Variants in LARGE1 observed in about 807,000 individuals in gnomAD.
LARGE1 encodes the protein LARGE xylosyl- and glucuronyltransferase 1.
A neutral mutation model predicts 87.6 loss-of-function variants in LARGE1; 43 were observed. The observed-to-expected ratio is 0.49, with a 90% CI of 0.38 to 0.63. LARGE1 has a LOEUF of 0.63. LARGE1 is among the 30% of genes least tolerant of loss of function. The pLI is 0.00. For synonymous variants in LARGE1, 434 were observed against 394.6 expected, an observed-to-expected ratio of 1.10 and a Z score of -1.18; for missense variants, 802 against 1,000.2, an observed-to-expected ratio of 0.80 and a Z score of 2.67.
In LARGE1 at chr22:33,420,476, T is replaced by C. The variant is rs2066652224; in HGVS notation, c.892+11685A>G. Among the ~76,000 whole-genome samples the C allele has an allele frequency of 2.0e-5, 3 of 152,338 alleles. No individual in the cohort carries two copies. In the South Asian group the frequency reaches 6.2e-4, roughly 32 times the overall value. On this transcript the variant is annotated intron_variant, in intron 7 of 14. Coordinates refer to ENST00000397394, the MANE Select transcript of LARGE1 (RefSeq NM_133642.5). ...GAGGAGAATAAGGTGGAAAACGGAA[T>C]AGCATGGAGGCTGTAGTTTGGAGGC...
intron 1 of LARGE1, among the ~76,000 whole-genome samples, chr22:33,850,303 T>C (rs1273618209): frequency 6.6e-6 from 1 of 152,132 alleles, no homozygotes; most frequent in African/African-American, 2.4e-5. Flanking sequence ...TTCTAGATAA[T>C]AGCTCTCATA....
intron 2 of LARGE1, among the ~76,000 whole-genome samples, chr22:33,713,972 G>GTAACGTAACGTAACATAACATAACA (rs1426662781): frequency 1.5e-4 from 18 of 119,766 alleles, no homozygotes; most frequent in South Asian, 5.3e-4. Context: ...AGTAAATAAC[G>GTAACGTAACGTAACATAACATAACA]TAACATAACG....
Position 33,609,735 on chromosome 22 carries a change from A to G in LARGE1, c.492-5177T>C, listed in dbSNP as rs1210860430. Among the ~76,000 whole-genome samples the G allele has an allele frequency of 3.3e-5, 5 of 152,096 alleles. No homozygotes were observed. In the East Asian group the frequency reaches 9.7e-4, roughly 29 times the overall value. Reference sequence around the variant, plus strand: ...ATCTTATGTTGAAACGTAATCCCCAATTTTGGAGGTGAGGCCTGATGGTTA... The same window carrying G: ...ATCTTATGTTGAAACGTAATCCCCAGTTTTGGAGGTGAGGCCTGATGGTTA... On this transcript the variant is annotated intron_variant, in intron 4 of 14. Coordinates refer to ENST00000397394, the MANE Select transcript of LARGE1 (RefSeq NM_133642.5).
chr22:33,341,759 G>T (rs1045767703), intron 9 of LARGE1, among the ~76,000 whole-genome samples: 1 of 152,154 alleles, frequency 6.6e-6, no homozygotes, highest in Non-Finnish European at 1.5e-5. Context: ...TGAACAACTC[G>T]TTTCTCTTCT....
chr22:33,733,481 T>C (rs1473059543), intron 2 of LARGE1: 1 of 152,230 alleles, frequency 6.6e-6, no homozygotes, highest in East Asian at 1.9e-4. Context: ...CACTGGGAAA[T>C]GCATACTTAA....
intron 2 of LARGE1, among the ~76,000 whole-genome samples, chr22:33,667,566 C>G (rs566803389): frequency 6.6e-6 from 1 of 152,120 alleles, no homozygotes; most frequent in Non-Finnish European, 1.5e-5. Flanking sequence ...AGAAAAGGTG[C>G]CTAAAAGTAT....
intron 2 of LARGE1, among the ~76,000 whole-genome samples, chr22:33,660,322 T>A (rs1448925904): frequency 1.3e-5 from 2 of 152,042 alleles, no homozygotes; most frequent in Non-Finnish European, 2.9e-5. Flanking sequence ...CCTAGAAAAA[T>A]GGAAGGACTT....
intron 1 of LARGE1, among the ~76,000 whole-genome samples, chr22:33,782,734 G>A (rs1050192458): frequency 7.2e-5 from 11 of 151,924 alleles, no homozygotes; most frequent in African/African-American, 2.7e-4. Context: ...GCGTGGTGGT[G>A]CGTGCCTGTA....
intron 11 of LARGE1, among the ~76,000 whole-genome samples, chr22:33,249,428 C>T (rs1926915389): frequency 6.6e-6 from 1 of 152,044 alleles, no homozygotes; most frequent in Non-Finnish European, 1.5e-5. Context: ...TCTTTTTATA[C>T]TTTGGTTAGC....
chr22:33,535,087 C>G (rs1013790148), intron 6 of LARGE1, among the ~76,000 whole-genome samples: 1 of 152,246 alleles, frequency 6.6e-6, no homozygotes, highest in Non-Finnish European at 1.5e-5. Flanking sequence ...TGGCCTCAAG[C>G]CTTCTGACTT....
At chr22:33,238,411 G>A (rs931063434) in intron 11 of LARGE1, among the ~76,000 whole-genome samples, 1 of 152,124 alleles carries the variant, frequency 6.6e-6, no homozygotes, top group Admixed American at 6.5e-5. Flanking sequence ...ATCATAGGGC[G>A]TGATTTGACA....
At chr22:33,771,174 CTTT>C (rs577979720) in intron 1 of LARGE1, among the ~76,000 whole-genome samples, 1 of 140,652 alleles carries the variant, frequency 7.1e-6, no homozygotes, top group South Asian at 2.3e-4. Context: ...TATTTTTTTG[CTTT>C]TTTTTTTTTT....
chr22:33,247,047 ATG>A (rs10532057), intron 11 of LARGE1, among the ~76,000 whole-genome samples: 8,107 of 146,152 alleles, frequency 0.055, 326 homozygotes, highest in African/African-American at 0.1. Flanking sequence ...TGCAGCCAGT[ATG>A]TGTGTGTGTG....
intron 11 of LARGE1, among the ~76,000 whole-genome samples, chr22:33,266,166 T>C (rs1162484981): frequency 1.4e-5 from 2 of 147,386 alleles, no homozygotes; most frequent in Non-Finnish European, 1.5e-5. Flanking sequence ...AAAAAAAGAA[T>C]GAAAGCAAAC....
intron 1 of LARGE1, among the ~76,000 whole-genome samples, chr22:33,897,012 C>T: frequency 6.6e-6 from 1 of 152,128 alleles, no homozygotes; most frequent in Non-Finnish European, 1.5e-5. Flanking sequence ...CTGGTTATCG[C>T]CCCTGTCTCT....
chr22:33,212,318 T>C (rs1314483036), intron 11 of LARGE1, among the ~76,000 whole-genome samples: 1 of 152,218 alleles, frequency 6.6e-6, no homozygotes, highest in African/African-American at 2.4e-5. Flanking sequence ...TTAGGGCCCC[T>C]AGAATTATGC....
intron 2 of LARGE1, among the ~76,000 whole-genome samples, chr22:33,729,936 A>G (rs1449714603): frequency 6.6e-6 from 1 of 152,200 alleles, no homozygotes; most frequent in Non-Finnish European, 1.5e-5. Context: ...GGGTATGGAA[A>G]TGACAGAAGT....
At chr22:33,138,703 G>A in the LARGE1 span, among the ~76,000 whole-genome samples, 1 of 152,046 alleles carries the variant, frequency 6.6e-6, no homozygotes, top group African/African-American at 2.4e-5. Context: ...CTCGGCCTCC[G>A]AAACTGCTGG....
intron 1 of LARGE1, among the ~76,000 whole-genome samples, chr22:33,849,072 G>C (rs1269696868): frequency 6.6e-6 from 1 of 152,162 alleles, no homozygotes; most frequent in East Asian, 1.9e-4. Context: ...TCTGACACAG[G>C]GACTGTGTAG....
Sources: allele counts gnomAD v4.1 joint callset (sites outside exome capture counted in the v4.1 genomes callset), GRCh38; gene constraint gnomAD v4.1.1; transcripts MANE v1.5; gene names NCBI Gene and HGNC (gene_info 2026-07-23, HGNC 2026-07-21).